The following TEKT3 variants were observed in gnomAD, a reference collection of about 807,000 sequenced individuals.
TEKT3 encodes tektin 3, also known as tektin-3.
TEKT3 carries 49 observed loss-of-function variants against 49.8 expected under a neutral mutation model. That is an observed-to-expected ratio of 0.98 (90% CI 0.78 to 1.25). The LOEUF is 1.25. Ranked by LOEUF, TEKT3 falls within the 50% of genes most tolerant of loss-of-function variation. TEKT3 has a pLI of 0.00. For synonymous variants in TEKT3, 225 were observed against 237.2 expected, an observed-to-expected ratio of 0.95 and a Z score of 0.47; for missense variants, 595 against 629.5, an observed-to-expected ratio of 0.95 and a Z score of 0.59.
chr17:15,341,979 A>G (rs373512780), upstream of TEKT3, among the ~76,000 whole-genome samples: 240 of 152,234 alleles, frequency 1.6e-3, no homozygotes, highest in African/African-American at 5.6e-3. Flanking sequence ...ACACCTGCCT[A>G]GGTGTTGACA....
chr17:15,309,807 C>G (rs1257257214), intron 7 of TEKT3, among the ~76,000 whole-genome samples: 1 of 152,136 alleles, frequency 6.6e-6, no homozygotes, highest in Admixed American at 6.5e-5. Context: ...ACTTCAGTTT[C>G]AAAGCTGACA....
At chr17:15,306,129 G>A (rs1309472934) in intron 8 of TEKT3, among the ~76,000 whole-genome samples, 1 of 145,874 alleles carries the variant, frequency 6.9e-6, no homozygotes, top group Non-Finnish European at 1.5e-5. Flanking sequence ...GTGTGTGTGT[G>A]CATATATATA....
rs553459081 is a variant in TEKT3, at chr17:15,314,098, C to A, written c.867G>T (p.Arg289Ser). The A allele has an allele frequency of 6.2e-6, 10 of 1,614,172 alleles. No individual in the cohort carries two copies. The South Asian group carries it at 1.1e-4, about 18-fold the overall frequency. Residue 289 changes from arginine to serine, a missense_variant, in exon 6 of 9, where the codon AGG becomes AGT. Physicochemically the swap from Arg to Ser is moderately radical, Grantham distance 110. Coordinates refer to ENST00000395930, the MANE Select transcript of TEKT3 (RefSeq NM_031898.3). ...DGVGYFRGVE[R>S]VDATVSVPES... ...TGTGCCTGACTTACGTTGCATCGACCCTCTCCACTCCGCGGAAGTAGCCGA... is the reference window on the plus strand; with the variant it reads ...TGTGCCTGACTTACGTTGCATCGACACTCTCCACTCCGCGGAAGTAGCCGA...
At position 15,308,780 on chromosome 17, in the gene TEKT3, T is replaced by C. The variant is rs980162483; in HGVS notation, c.1140A>G (p.Glu380=). Residue 380 remains glutamate, a synonymous_variant, in exon 8 of 9, where the codon GAA becomes GAG. Coordinates refer to ENST00000395930, the MANE Select transcript of TEKT3 (RefSeq NM_031898.3). Reference sequence around the variant, plus strand: ...TGTCCTTGATGGCCTTCTTGATGGATTCTATGGTCATTTCAGTCTGGAAAA... The same window carrying C: ...TGTCCTTGATGGCCTTCTTGATGGACTCTATGGTCATTTCAGTCTGGAAAA... ...QEIFQTEMTI[E]SIKKAIKDKT... 1.2e-6 allele frequency: 2 copies of C among 1,613,974 alleles called. No homozygotes were observed. Among genetic ancestry groups the C allele is most frequent in the African/African-American group, 2.7e-5 (2 of 74,900 alleles).
intron 8 of TEKT3, chr17:15,306,743 A>G (rs921915794): frequency 2.0e-5 from 3 of 152,130 alleles, no homozygotes; most frequent in Non-Finnish European, 4.4e-5. Flanking sequence ...ATGACTCTGC[A>G]GAGATTTTTG....
intron 8 of TEKT3, among the ~76,000 whole-genome samples, chr17:15,306,081 T>TTA (rs142438638): frequency 0.041 from 5,470 of 132,730 alleles, 202 homozygotes; most frequent in African/African-American, 0.11. Context: ...CACAGTTTAT[T>TTA]TATATATATG....
intron 3 of TEKT3, among the ~76,000 whole-genome samples, chr17:15,329,043 T>C (rs1437669781): frequency 6.6e-6 from 1 of 152,162 alleles, no homozygotes; most frequent in Non-Finnish European, 1.5e-5. Context: ...TTGATATGTA[T>C]TACCAAACTG....
upstream of TEKT3, among the ~76,000 whole-genome samples, chr17:15,341,850 A>G (rs915088862): frequency 3.9e-5 from 6 of 152,198 alleles, no homozygotes; most frequent in African/African-American, 1.4e-4. Context: ...GGTGAAGAGT[A>G]GCCCAAGGGA....
chr17:15,331,204 T>A lies in TEKT3; in HGVS notation c.382A>T (p.Ile128Phe). Residue 128 changes from isoleucine (I) to phenylalanine (F), a missense_variant, in exon 3 of 9, where the codon ATT becomes TTT. By Grantham distance (21) the Ile-to-Phe change is conservative. Coordinates refer to ENST00000395930, the MANE Select transcript of TEKT3 (RefSeq NM_031898.3). Reference protein sequence around the residue: ...EKLRVDTSRLIQDKYQQTRKT... With the variant: ...EKLRVDTSRLFQDKYQQTRKT... ...CTTGTTTGTTGATATTTGTCTTGAA[T>A]CAGGCGAGATGTATCCACTCTTAGT... is the stretch of plus-strand genomic sequence containing the variant. 6.2e-7 allele frequency: 1 copy of A among 1,614,236 alleles called. No individual in the cohort carries two copies. The highest frequency in any genetic ancestry group is 1.1e-5 in the South Asian group (1 of 91,086).
At chr17:15,326,609 G>C (rs1468812151) in intron 4 of TEKT3, among the ~76,000 whole-genome samples, 1 of 152,112 alleles carries the variant, frequency 6.6e-6, no homozygotes, top group East Asian at 1.9e-4. Flanking sequence ...GGTGATGAAG[G>C]AACACTGGTA....
intron 8 of TEKT3, among the ~76,000 whole-genome samples, chr17:15,305,192 A>G (rs1910493096): frequency 2.0e-5 from 3 of 152,238 alleles, no homozygotes; most frequent in African/African-American, 7.2e-5. Flanking sequence ...AAGGAAAGGC[A>G]GGACGGAGCC....
At chr17:15,306,104 T>C (rs1910540856) in intron 8 of TEKT3, among the ~76,000 whole-genome samples, 1 of 149,222 alleles carries the variant, frequency 6.7e-6, no homozygotes, top group Non-Finnish European at 1.5e-5. Context: ...TGTGTGTGTG[T>C]GTGTGTGTGT....
At chr17:15,318,408 A>G (rs1377164653) in intron 5 of TEKT3, among the ~76,000 whole-genome samples, 1 of 152,210 alleles carries the variant, frequency 6.6e-6, no homozygotes, top group Admixed American at 6.5e-5. Context: ...TGTAAAAAAA[A>G]TGCCAGTCTT....
chr17:15,327,833 T>C (rs2150747847), intron 4 of TEKT3, 159 bp downstream of exon 4: 1 of 570,348 alleles, frequency 1.8e-6, no homozygotes, highest in Non-Finnish European at 3.1e-6. Flanking sequence ...ATATATGTTA[T>C]AACCAAGAAA....
At chr17:15,317,060 T>A (rs1391123520) in intron 5 of TEKT3, among the ~76,000 whole-genome samples, 1 of 152,142 alleles carries the variant, frequency 6.6e-6, no homozygotes, top group Non-Finnish European at 1.5e-5. Flanking sequence ...TAAACTCTCT[T>A]CCAGTCACCT....
chr17:15,331,543 G>T lies in TEKT3; in HGVS notation c.43C>A (p.Pro15Thr). 1 of 1,613,918 alleles carries T rather than the reference G, an allele frequency of 6.2e-7. No individual in the cohort carries two copies. The highest frequency in any genetic ancestry group is 8.5e-7 in the Non-Finnish European group (1 of 1,179,986). ...GCTLTTTYAH[P>T]RPTPTNFLPA... Reference sequence around the variant, plus strand: ...AGAAAGTTGGTTGGTGTTGGTCTAGGGTGGGCGTAAGTTGTCGTTAAAGTA... The same window carrying T: ...AGAAAGTTGGTTGGTGTTGGTCTAGTGTGGGCGTAAGTTGTCGTTAAAGTA... The change falls in exon 3 of 9, where the codon CCT becomes ACT. Residue 15 changes from proline (P) to threonine (T), a missense_variant. Physicochemically the swap from Pro to Thr is conservative, Grantham distance 38 (BLOSUM62 -1). Coordinates refer to ENST00000395930, the MANE Select transcript of TEKT3 (RefSeq NM_031898.3).
chr17:15,317,658 C>T (rs1474037999), intron 5 of TEKT3, among the ~76,000 whole-genome samples: 1 of 152,156 alleles, frequency 6.6e-6, no homozygotes, highest in Non-Finnish European at 1.5e-5. Flanking sequence ...GTGGCATATT[C>T]GACACTACTT....
intron 3 of TEKT3, among the ~76,000 whole-genome samples, chr17:15,330,158 T>G (rs1380445549): frequency 6.6e-6 from 1 of 152,134 alleles, no homozygotes; most frequent in African/African-American, 2.4e-5. Context: ...TGTCACTACA[T>G]CCTAAAAGGG....
intron 4 of TEKT3, among the ~76,000 whole-genome samples, chr17:15,326,541 T>A (rs560587146): frequency 1.3e-5 from 2 of 152,260 alleles, no homozygotes; most frequent in East Asian, 3.9e-4. Context: ...ACCAGGTATT[T>A]TTTTAAAGAG....
Sources: allele counts gnomAD v4.1 joint callset (sites outside exome capture counted in the v4.1 genomes callset), GRCh38; gene constraint gnomAD v4.1.1; transcripts MANE v1.5; gene names NCBI Gene and HGNC (gene_info 2026-07-23, HGNC 2026-07-21).